Variants in THRAP3 observed in about 807,000 individuals in gnomAD.
THRAP3 encodes the protein thyroid hormone receptor-associated protein 3.
In THRAP3, 16 loss-of-function variants were observed where a neutral mutation model predicts 101.0. That is an observed-to-expected ratio of 0.16 (90% confidence interval 0.11 to 0.24). The LOEUF (loss-of-function observed/expected upper bound fraction) is 0.24, where lower values mean the gene tolerates loss of function less well. Among genes scored for constraint, THRAP3 ranks in the 10% least tolerant of loss-of-function variants. The probability of loss-of-function intolerance (pLI) is 1.00; values close to 1 mark genes in which losing one functional copy is unlikely to be tolerated. For missense variants in THRAP3, 989 were observed against 1,202.7 expected (o/e 0.82, Z 2.63); for synonymous variants, 407 against 422.6 (o/e 0.96, Z 0.45).
chr1:36,238,445 C>G (rs941544990), intron 1 of THRAP3, among the ~76,000 whole-genome samples: 2 of 152,042 alleles, frequency 1.3e-5, no homozygotes, highest in African/African-American at 4.8e-5. Context: ...TAATTCCTAT[C>G]CAGATTATTT....
At chr1:36,251,422 G>A (rs1645298839) in intron 1 of THRAP3, among the ~76,000 whole-genome samples, 2 of 152,122 alleles carry the variant, frequency 1.3e-5, no homozygotes, top group Non-Finnish European at 2.9e-5. Flanking sequence ...GAAACGTTCA[G>A]GTGCATCAGT....
At chr1:36,243,147 C>G (rs1303803983) in intron 1 of THRAP3, among the ~76,000 whole-genome samples, 1 of 73,178 alleles carries the variant, frequency 1.4e-5, no homozygotes, top group African/African-American at 5.6e-5. Context: ...TTGTGAGGAA[C>G]TTTCTTTTTT....
chr1:36,301,487 G>T, intron 10 of THRAP3, 66 bp from the exon 11 acceptor site: 2 of 1,569,092 alleles, frequency 1.3e-6, no homozygotes, highest in Non-Finnish European at 1.7e-6. Context: ...TGAACAAAAA[G>T]CAGGGGGGTT....
chr1:36,259,263 G>A (rs2124486275), intron 1 of THRAP3, 119 bp from the exon 2 acceptor site: 1 of 395,116 alleles, frequency 2.5e-6, no homozygotes, highest in East Asian at 3.6e-5. Context: ...AAAAGCTTGG[G>A]TCCTTTTGGA....
At chr1:36,216,716 C>T in the THRAP3 span, among the ~76,000 whole-genome samples, 1 of 151,750 alleles carries the variant, frequency 6.6e-6, no homozygotes, top group African/African-American at 2.4e-5. Context: ...GCCCAGGAGG[C>T]TGCAGTGAGC....
intron 1 of THRAP3, among the ~76,000 whole-genome samples, chr1:36,252,964 ATATAT>A (rs1557819478): frequency 1.1e-3 from 145 of 133,968 alleles, no homozygotes; most frequent in African/African-American, 2.1e-3. Context: ...ATATATATAT[ATATAT>A]AAATGTAAAT....
At chr1:36,250,435 A>G (rs1304434164) in intron 1 of THRAP3, among the ~76,000 whole-genome samples, 1 of 151,878 alleles carries the variant, frequency 6.6e-6, no homozygotes, top group African/African-American at 2.4e-5. Flanking sequence ...GATGGTCTGG[A>G]TCTCCTGACC....
chr1:36,233,019 C>A (rs1214652432), intron 1 of THRAP3, among the ~76,000 whole-genome samples: 4 of 151,606 alleles, frequency 2.6e-5, no homozygotes, highest in Non-Finnish European at 5.9e-5. Flanking sequence ...TAGGCACATA[C>A]CACCACGCCC....
In THRAP3 at chr1:36,304,438, G is replaced by T; in HGVS notation, c.*421G>T. ...CTTTTCCCCTGTCCTGATTTTAAAA[G>T]CCCCCTCCTTTTTTTTTTTTTTTTT... On this transcript the variant is annotated 3_prime_UTR_variant, in exon 12 of 12. Coordinates refer to ENST00000354618, the MANE Select transcript of THRAP3 (RefSeq NM_005119.4). The T allele has an allele frequency of 4.6e-6, 1 of 219,718 alleles. No homozygotes were observed. Among genetic ancestry groups the T allele is most frequent in the Non-Finnish European group, 8.9e-6 (1 of 111,818 alleles). 13.6% of individuals were successfully genotyped at this position (219,718 alleles called of 1,614,324 possible).
At chr1:36,226,872 T>C (rs958849909) in intron 1 of THRAP3, among the ~76,000 whole-genome samples, 1 of 152,164 alleles carries the variant, frequency 6.6e-6, no homozygotes, top group African/African-American at 2.4e-5. Flanking sequence ...TTTGGAAACT[T>C]AACAGGATTG....
At chr1:36,213,988 AGAAAGAAAG>A in the THRAP3 span, among the ~76,000 whole-genome samples, 1 of 104,244 alleles carries the variant, frequency 9.6e-6, no homozygotes, top group African/African-American at 5.0e-5. Context: ...AAAGAAAGAA[AGAAAGAAAG>A]GAAAGAAAGA....
Position 36,301,609 on chromosome 1 carries a change from C to G in THRAP3, c.2559C>G (p.Asn853Lys). Residue 853 changes from asparagine to lysine, a missense_variant, in exon 11 of 12, where the codon AAC (asparagine) becomes AAG (lysine). Asn to Lys is a moderately conservative substitution (Grantham distance 94). Transcript: ENST00000354618. ...GAGGCAACTACTCTGGGAACAATAA[C>G]AACAACAGCAACAACGATTTTCAAA... Reference protein sequence around the residue: ...WGRGNYSGNNNNNSNNDFQKR... With the variant: ...WGRGNYSGNNKNNSNNDFQKR... 6.2e-7 allele frequency: 1 copy of G among 1,614,100 alleles called. No individual in the cohort carries two copies. The highest frequency in any genetic ancestry group is 1.1e-5 in the South Asian group (1 of 91,066).
intron 1 of THRAP3, among the ~76,000 whole-genome samples, chr1:36,247,513 A>G (rs1400202361): frequency 6.6e-6 from 1 of 151,822 alleles, no homozygotes; most frequent in Non-Finnish European, 1.5e-5. Flanking sequence ...TTTAGTAAAG[A>G]TGGGGTTTTA....
intron 2 of THRAP3, among the ~76,000 whole-genome samples, chr1:36,261,628 A>G (rs1225359531): frequency 6.6e-6 from 1 of 152,192 alleles, no homozygotes; most frequent in African/African-American, 2.4e-5. Context: ...AACTACACTG[A>G]TCACATGTAT....
At chr1:36,255,382 C>T (rs903747948) in intron 1 of THRAP3, among the ~76,000 whole-genome samples, 2 of 151,694 alleles carry the variant, frequency 1.3e-5, no homozygotes, top group African/African-American at 4.8e-5. Flanking sequence ...AATCCCAGCA[C>T]TTTGGGAGGC....
chr1:36,269,488 G>A (rs1645561051), intron 2 of THRAP3, among the ~76,000 whole-genome samples: 2 of 152,178 alleles, frequency 1.3e-5, no homozygotes, highest in Non-Finnish European at 2.9e-5. Flanking sequence ...GTAATTGGGG[G>A]AGAGTTTAAG....
intron 8 of THRAP3, among the ~76,000 whole-genome samples, chr1:36,295,552 C>CCTTCCTTT (rs1645935235): frequency 8.5e-6 from 1 of 118,050 alleles, no homozygotes; most frequent in Non-Finnish European, 1.9e-5. Context: ...TTTTTTCCTT[C>CCTTCCTTT]CTTCCTTCCT....
At chr1:36,281,868 C>T (rs1482514346) in intron 2 of THRAP3, among the ~76,000 whole-genome samples, 9 of 151,944 alleles carry the variant, frequency 5.9e-5, no homozygotes, top group South Asian at 2.1e-4. Flanking sequence ...GTCGGGAGTT[C>T]GAGACCAGCC....
intron 1 of THRAP3, among the ~76,000 whole-genome samples, chr1:36,244,800 C>T (rs1645211458): frequency 6.6e-6 from 1 of 151,968 alleles, no homozygotes; most frequent in South Asian, 2.1e-4. Flanking sequence ...TCACTGCAAC[C>T]TCCGACTCCC....
Sources: allele counts gnomAD v4.1 joint callset (sites outside exome capture counted in the v4.1 genomes callset), GRCh38; gene constraint gnomAD v4.1.1; transcripts MANE v1.5; gene names NCBI Gene and HGNC (gene_info 2026-07-23, HGNC 2026-07-21).